The following MAPK10 variants were observed in gnomAD, a reference collection of about 807,000 sequenced individuals.
MAPK10 encodes the protein JNK3 alpha protein kinase.
In MAPK10, 25 loss-of-function variants were observed where a neutral mutation model predicts 59.3. The observed-to-expected ratio is 0.42, with a 90% CI of 0.31 to 0.59. The LOEUF (loss-of-function observed/expected upper bound fraction) is 0.59. Ranked by LOEUF, MAPK10 falls within the 20% of genes least tolerant of loss-of-function variation. The pLI is 0.15. For synonymous variants in MAPK10, 190 were observed against 200.5 expected (o/e 0.95, Z 0.44); for missense variants, 351 against 568.9 (o/e 0.62, Z 3.90).
At chr4:86,145,083 G>A (rs1479771692) in intron 4 of MAPK10, among the ~76,000 whole-genome samples, 2 of 152,006 alleles carry the variant, frequency 1.3e-5, no homozygotes, top group Admixed American at 6.6e-5. Context: ...GCAGAAAAGT[G>A]GCAATTTTAC....
At chr4:86,402,899 T>C (rs1009910877) in intron 1 of MAPK10, among the ~76,000 whole-genome samples, 3 of 152,092 alleles carry the variant, frequency 2.0e-5, no homozygotes, top group African/African-American at 2.4e-5. Context: ...AAATGCAACA[T>C]TGGATTTCAG....
intron 1 of MAPK10, among the ~76,000 whole-genome samples, chr4:86,578,989 T>G (rs1227660849): frequency 6.6e-6 from 1 of 152,178 alleles, no homozygotes; most frequent in African/African-American, 2.4e-5. Flanking sequence ...AGGATGACAC[T>G]TTTATTCTTA....
intron 3 of MAPK10, among the ~76,000 whole-genome samples, chr4:86,168,418 C>T (rs28849082): frequency 0.03 from 4,524 of 152,306 alleles, 92 homozygotes; most frequent in South Asian, 0.041. Context: ...TATCCCGCAC[C>T]TGGCTTGAAG....
At chr4:86,163,712 G>A (rs749714680) in intron 3 of MAPK10, among the ~76,000 whole-genome samples, 2 of 152,136 alleles carry the variant, frequency 1.3e-5, no homozygotes, top group African/African-American at 2.4e-5. Context: ...TTCACATTTT[G>A]AGAATCACTG....
At position 86,059,726 on chromosome 4, in the gene MAPK10, C is replaced by A. The variant is rs1460186224; in HGVS notation, c.1110+4540G>T. Among the ~76,000 whole-genome samples, 6 of 152,132 alleles carry A rather than the reference C, an allele frequency of 3.9e-5. No homozygotes were observed. The East Asian group carries it at 1.2e-3, about 29-fold the overall frequency. On this transcript the variant is annotated intron_variant, in intron 11 of 13. Transcript: ENST00000641462. ...ATTGGTTGAATTAGTTACACCTTTTCTCTTAGTCTAGTGGAGGATGTCGTG... is the reference window on the plus strand; with the variant it reads ...ATTGGTTGAATTAGTTACACCTTTTATCTTAGTCTAGTGGAGGATGTCGTG...
In MAPK10 at chr4:86,489,661, T is replaced by C. The variant is rs551080833; in HGVS notation, c.-263+104249A>G. ...AATTCATGGGTTTGTCCCTTTTTTT[T>C]CTCCTCTCAAGGAACAAAAGCACCC... On this transcript the variant is annotated intron_variant, in intron 1 of 4. Transcript: ENST00000502302. Among the ~76,000 whole-genome samples the C allele has an allele frequency of 6.8e-4, 104 of 152,318 alleles. 3 individuals carry two copies. In the South Asian group the frequency reaches 0.021, roughly 30 times the overall value.
At chr4:86,466,904 G>A (rs911958723) in intron 1 of MAPK10, among the ~76,000 whole-genome samples, 1 of 152,194 alleles carries the variant, frequency 6.6e-6, no homozygotes. Context: ...TGAAACAGAA[G>A]CTTTAAAAGC....
At chr4:86,311,706 A>G (rs1336880312) in intron 2 of MAPK10, among the ~76,000 whole-genome samples, 1 of 152,132 alleles carries the variant, frequency 6.6e-6, no homozygotes, top group Admixed American at 6.6e-5. Flanking sequence ...CCTCTGTCAC[A>G]TGCCTCTCTA....
intron 2 of MAPK10, among the ~76,000 whole-genome samples, chr4:86,206,805 A>G (rs1372393513): frequency 6.6e-6 from 1 of 152,118 alleles, no homozygotes; most frequent in Non-Finnish European, 1.5e-5. Flanking sequence ...AGTGATGATG[A>G]GCATTTTTTC....
At chr4:86,378,207 G>T (rs1740115247) in intron 1 of MAPK10, among the ~76,000 whole-genome samples, 1 of 152,082 alleles carries the variant, frequency 6.6e-6, no homozygotes, top group Admixed American at 6.6e-5. Flanking sequence ...CCTTATCATA[G>T]CCTGCCAGGC....
intron 2 of MAPK10, among the ~76,000 whole-genome samples, chr4:86,320,290 G>A (rs2095864299): frequency 6.6e-6 from 1 of 152,118 alleles, no homozygotes; most frequent in South Asian, 2.1e-4. Context: ...AAGAGATAAG[G>A]TTCCACTGCA....
chr4:86,588,229 T>C (rs1296910683), intron 1 of MAPK10, among the ~76,000 whole-genome samples: 3 of 152,142 alleles, frequency 2.0e-5, no homozygotes, highest in African/African-American at 7.2e-5. Flanking sequence ...ATGAGTACGG[T>C]CCCAAAGTGA....
chr4:86,022,799 G>A (rs1158445533), intron 13 of MAPK10, among the ~76,000 whole-genome samples: 1 of 152,310 alleles, frequency 6.6e-6, no homozygotes, highest in Non-Finnish European at 1.5e-5. Context: ...ATGAGCCACT[G>A]TGACAGGCCT....
intron 1 of MAPK10, among the ~76,000 whole-genome samples, chr4:86,380,536 G>A (rs760314448): frequency 1.1e-4 from 17 of 152,062 alleles, no homozygotes; most frequent in Non-Finnish European, 1.5e-4. Flanking sequence ...AGGCCTTCTG[G>A]TTATCAGTTT....
chr4:86,201,356 C>G (rs1263663846), intron 2 of MAPK10, among the ~76,000 whole-genome samples: 1 of 151,906 alleles, frequency 6.6e-6, no homozygotes, highest in Non-Finnish European at 1.5e-5. Context: ...CTTCACATCC[C>G]TGCCAACATT....
chr4:86,169,563 G>T (rs538920557), intron 3 of MAPK10, among the ~76,000 whole-genome samples: 1 of 152,276 alleles, frequency 6.6e-6, no homozygotes, highest in South Asian at 2.1e-4. Flanking sequence ...ATGGGACTAC[G>T]TGAAAAGACC....
At chr4:86,345,817 A>G (rs1301630446) in intron 2 of MAPK10, among the ~76,000 whole-genome samples, 2 of 152,198 alleles carry the variant, frequency 1.3e-5, no homozygotes, top group Non-Finnish European at 2.9e-5. Context: ...GTGTCCTGCT[A>G]TTTTAATGCA....
intron 4 of MAPK10, among the ~76,000 whole-genome samples, chr4:86,136,314 C>A (rs1374797342): frequency 6.6e-6 from 1 of 151,994 alleles, no homozygotes; most frequent in African/African-American, 2.4e-5. Flanking sequence ...AAAGGGAAGC[C>A]CATCAGACTA....
chr4:86,197,226 T>C (rs552197785), intron 2 of MAPK10, among the ~76,000 whole-genome samples: 2 of 152,314 alleles, frequency 1.3e-5, no homozygotes, highest in East Asian at 3.9e-4. Flanking sequence ...GTGTCCTCTC[T>C]TATTTCCTTG....
Sources: gnomAD v4.1 joint callset for allele counts (sites outside exome capture counted in the v4.1 genomes callset) on GRCh38, gnomAD v4.1.1 for gene constraint, MANE v1.5 for transcripts, NCBI Gene and HGNC (gene_info 2026-07-23, HGNC 2026-07-21) for gene names.